ADNP: variants seen among roughly 807,000 people sequenced by gnomAD.
ADNP encodes the protein activity dependent neuroprotector homeobox.
A neutral mutation model predicts 84.9 loss-of-function variants in ADNP; 4 were observed. The ratio of observed to expected loss-of-function variants is 0.05; its 90% CI spans 0.02 to 0.11. The LOEUF is 0.11. Among genes scored for constraint, ADNP ranks in the 10% least tolerant of loss-of-function variants. The pLI, the probability that ADNP is intolerant of heterozygous loss-of-function variation, is 1.00. For synonymous variants in ADNP, 554 were observed against 468.1 expected, an observed-to-expected ratio of 1.18 and a Z score of -2.37; for missense variants, 1,132 against 1,326.0, an observed-to-expected ratio of 0.85 and a Z score of 2.27.
At chr20:50,897,638 G>A (rs1411456191) in intron 5 of ADNP, among the ~76,000 whole-genome samples, 1 of 152,150 alleles carries the variant, frequency 6.6e-6, no homozygotes, top group Non-Finnish European at 1.5e-5. Context: ...AATTGTATCA[G>A]AATCTTCTCA....
intron 2 of ADNP, among the ~76,000 whole-genome samples, chr20:50,906,963 GTTTT>G (rs751919326): frequency 3.4e-5 from 4 of 119,222 alleles, no homozygotes; most frequent in Non-Finnish European, 6.6e-5. Context: ...CAGGGTTCCA[GTTTT>G]TTTTTTTTGT....
chr20:50,917,840 G>A (rs963529477), intron 2 of ADNP, among the ~76,000 whole-genome samples: 3 of 152,136 alleles, frequency 2.0e-5, no homozygotes, highest in African/African-American at 7.2e-5. Flanking sequence ...AATGAAATGT[G>A]GTCATATCCA....
At chr20:50,909,091 C>T (rs958718494) in intron 2 of ADNP, among the ~76,000 whole-genome samples, 3 of 151,148 alleles carry the variant, frequency 2.0e-5, no homozygotes, top group African/African-American at 7.3e-5. Context: ...AAAAAATTTG[C>T]CAGCCATGGT....
rs1980395339 is a variant in ADNP at position 50,889,255 on chromosome 20, A to ACAAGT, written c.*2145_*2149dup. Reference sequence around the variant, plus strand: ...GACCCCAAGCCCCGTGGTGTCTTGTACAAGTCTCATTAGTCCTCCACGTAC... The same window carrying ACAAGT: ...GACCCCAAGCCCCGTGGTGTCTTGTACAAGTCAAGTCTCATTAGTCCTCCACGTAC... On this transcript the variant is annotated 3_prime_UTR_variant, in exon 6 of 6. Transcript: ENST00000621696. The ACAAGT allele has an allele frequency of 2.6e-5, 4 of 152,324 alleles. No individual in the cohort carries two copies. The South Asian group carries it at 8.3e-4, about 32-fold the overall frequency. 9.4% of individuals were successfully genotyped at this position (152,324 alleles called of 1,614,324 possible).
intron 2 of ADNP, among the ~76,000 whole-genome samples, chr20:50,921,294 T>C (rs1983941039): frequency 6.6e-6 from 1 of 152,198 alleles, no homozygotes; most frequent in African/African-American, 2.4e-5. Context: ...TCATGCACAG[T>C]AGTGTTTTTA....
At chr20:50,906,943 T>C (rs1982533852) in intron 2 of ADNP, among the ~76,000 whole-genome samples, 1 of 151,406 alleles carries the variant, frequency 6.6e-6, no homozygotes, top group Non-Finnish European at 1.5e-5. Flanking sequence ...TCTGTATTTT[T>C]TTTTTGAGAC....
At chr20:50,897,926 G>A (rs527293099) in intron 5 of ADNP, among the ~76,000 whole-genome samples, 2 of 152,328 alleles carry the variant, frequency 1.3e-5, no homozygotes, top group African/African-American at 4.8e-5. Flanking sequence ...ATCTCCTGCA[G>A]TGCACTGGCC....
chr20:50,913,543 G>A (rs6020841), intron 2 of ADNP, among the ~76,000 whole-genome samples: 9,587 of 152,066 alleles, frequency 0.063, 722 homozygotes, highest in African/African-American at 0.18. Context: ...AGTTATGCTG[G>A]CAATTTTCTA....
chr20:50,891,072 T>G lies in ADNP; in HGVS notation c.*333A>C, dbSNP rs760108990. On this transcript the variant is annotated 3_prime_UTR_variant, in exon 6 of 6. Transcript: ENST00000621696. ...ACTACCATGTGAATTAGTTTAACAC[T>G]TCTCAAAGACATCTGACCAATCATT... The G allele has an allele frequency of 9.0e-7, 1 of 1,106,768 alleles. No individual in the cohort carries two copies. Among genetic ancestry groups the G allele is most frequent in the Non-Finnish European group, 1.1e-6 (1 of 908,232 alleles). 68.6% of individuals were successfully genotyped at this position (1,106,768 alleles called of 1,614,324 possible).
chr20:50,919,429 T>A (rs1423975020), intron 2 of ADNP, among the ~76,000 whole-genome samples: 1 of 151,960 alleles, frequency 6.6e-6, no homozygotes, highest in East Asian at 1.9e-4. Context: ...TACTCCAGCC[T>A]GCGTTACAAA....
intron 2 of ADNP, chr20:50,914,294 G>T (rs766374196): frequency 1.4e-6 from 1 of 696,848 alleles, no homozygotes; most frequent in Non-Finnish European, 2.6e-6. Context: ...AAAACTGCTG[G>T]TGTCCCAAGG....
At chr20:50,922,928 T>A (rs1984052159) in intron 2 of ADNP, among the ~76,000 whole-genome samples, 1 of 151,882 alleles carries the variant, frequency 6.6e-6, no homozygotes, top group South Asian at 2.1e-4. Flanking sequence ...TTACTTCCCT[T>A]CCCCGGGGTA....
At chr20:50,914,130 G>A in intron 2 of ADNP, 1 of 768,346 alleles carries the variant, frequency 1.3e-6, no homozygotes, top group South Asian at 1.5e-5. Flanking sequence ...CAGATGGTAA[G>A]GATCATTATG....
At position 50,889,348 on chromosome 20, in the gene ADNP, GTTAT is replaced by G. The variant is rs1251510124; in HGVS notation, c.*2053_*2056del. 1 of 152,256 alleles carries G rather than the reference GTTAT, an allele frequency of 6.6e-6. No homozygotes were observed. The highest frequency in any genetic ancestry group is 1.5e-5 in the Non-Finnish European group (1 of 68,064). The allele number at this position is 152,256 out of a possible 1,614,324, so 9.4% of individuals were successfully genotyped here. A position where few individuals can be genotyped will look rare whatever the true frequency, so the allele number is the denominator to read the frequency against. ...ATGTGAGCTGGCCTAAATCCAGCTG[GTTAT>G]TTCTGATTTGGTAATCTGTAGTATC... is the stretch of plus-strand genomic sequence containing the variant. On this transcript the variant is annotated 3_prime_UTR_variant, in exon 6 of 6. Coordinates refer to ENST00000621696, the MANE Select transcript of ADNP (RefSeq NM_001282531.3).
intron 2 of ADNP, among the ~76,000 whole-genome samples, chr20:50,924,358 G>A (rs1424390504): frequency 1.3e-5 from 2 of 152,224 alleles, no homozygotes; most frequent in East Asian, 1.9e-4. Flanking sequence ...ACATGTAGAC[G>A]CCATTGGAAT....
chr20:50,930,224 GC>G (rs1351627177), intron 1 of ADNP, among the ~76,000 whole-genome samples: 1 of 152,210 alleles, frequency 6.6e-6, no homozygotes, highest in African/African-American at 2.4e-5. Flanking sequence ...TGCTGACCAG[GC>G]AGCTGAGATT....
At chr20:50,930,472 G>C (rs144442273) in intron 1 of ADNP, among the ~76,000 whole-genome samples, 1 of 25,110 alleles carries the variant, frequency 4.0e-5, no homozygotes, top group Non-Finnish European at 4.6e-4. Context: ...GACGGGATTA[G>C]TTCCAGGATG....
intron 5 of ADNP, among the ~76,000 whole-genome samples, chr20:50,895,123 A>T (rs765930597): frequency 1.6e-4 from 24 of 152,344 alleles, no homozygotes; most frequent in African/African-American, 3.6e-4. Context: ...GAATAACCTA[A>T]ATGAAGGAAG....
intron 5 of ADNP, among the ~76,000 whole-genome samples, chr20:50,900,698 G>GA (rs1981884848): frequency 6.6e-6 from 1 of 152,162 alleles, no homozygotes; most frequent in African/African-American, 2.4e-5. Context: ...AGTGCAATTA[G>GA]ACAATTACAA....
Sources: gnomAD v4.1 joint callset for allele counts (sites outside exome capture counted in the v4.1 genomes callset) on GRCh38, gnomAD v4.1.1 for gene constraint, MANE v1.5 for transcripts, NCBI Gene and HGNC (gene_info 2026-07-23, HGNC 2026-07-21) for gene names.